The following DST variants were observed in gnomAD, a reference collection of about 807,000 sequenced individuals.
The protein encoded by DST is dystonin.
DST carries 253 observed loss-of-function variants against 875.2 expected under a neutral mutation model. The observed-to-expected ratio is 0.29, with a 90% CI of 0.26 to 0.32. DST has a LOEUF of 0.32. Among genes scored for constraint, DST ranks in the 10% least tolerant of loss-of-function variants. The pLI is 1.00. For synonymous variants in DST, 3,124 were observed against 3,197.1 expected, an observed-to-expected ratio of 0.98 and a Z score of 0.77; for missense variants, 8,287 against 9,111.6, an observed-to-expected ratio of 0.91 and a Z score of 3.68.
chr6:56,701,778 C>T (rs1588877032), intron 8 of DST, 110 bp downstream of exon 8: 1 of 645,030 alleles, frequency 1.6e-6, no homozygotes, highest in South Asian at 2.2e-5. Flanking sequence ...CACAAGCTTA[C>T]TGGTTACAAT....
chr6:56,684,108 T>C (rs746828462), intron 9 of DST, among the ~76,000 whole-genome samples: 1 of 152,230 alleles, frequency 6.6e-6, no homozygotes, highest in Non-Finnish European at 1.5e-5. Flanking sequence ...GAAAGTCCTA[T>C]GAGCAAAGTC....
chr6:56,745,328 A>G (rs2099569245), intron 4 of DST, among the ~76,000 whole-genome samples: 1 of 152,160 alleles, frequency 6.6e-6, no homozygotes, highest in Admixed American at 6.5e-5. Flanking sequence ...AAAGACTCTC[A>G]TGTTGCTGCA....
intron 3 of DST, among the ~76,000 whole-genome samples, chr6:56,869,096 G>A (rs1446799491): frequency 6.6e-6 from 1 of 152,102 alleles, no homozygotes; most frequent in Admixed American, 6.5e-5. Flanking sequence ...AAAAACTTTT[G>A]GTGGCTCTAG....
chr6:56,763,821 A>G (rs945416949), intron 4 of DST, among the ~76,000 whole-genome samples: 5 of 151,576 alleles, frequency 3.3e-5, no homozygotes, highest in African/African-American at 1.2e-4. Flanking sequence ...CCCACAAGGA[A>G]CTCTAGTCCT....
At chr6:56,539,780 T>G (rs1454025144) in intron 61 of DST, among the ~76,000 whole-genome samples, 3 of 152,138 alleles carry the variant, frequency 2.0e-5, no homozygotes, top group Admixed American at 6.5e-5. Flanking sequence ...ATAACTCTAC[T>G]CTCACATGCA....
chr6:56,856,522 A>G (rs2127585538), intron 3 of DST, among the ~76,000 whole-genome samples: 2 of 152,370 alleles, frequency 1.3e-5, no homozygotes, highest in Middle Eastern at 3.4e-3. Flanking sequence ...GAAACAGACA[A>G]ATCCTGATTG....
At chr6:56,584,532 C>T (rs1339809386) in intron 49 of DST, among the ~76,000 whole-genome samples, 2 of 149,650 alleles carry the variant, frequency 1.3e-5, no homozygotes, top group Middle Eastern at 3.4e-3. Flanking sequence ...AATCATGTTG[C>T]CTGCAAACAG....
chr6:56,706,854 A>T (rs1202856546), intron 5 of DST, among the ~76,000 whole-genome samples: 2 of 152,236 alleles, frequency 1.3e-5, no homozygotes, highest in East Asian at 3.9e-4. Flanking sequence ...AACAAAAAAA[A>T]ATTAGCCGGG....
chr6:56,845,427 C>T (rs568330226), intron 4 of DST, among the ~76,000 whole-genome samples: 3 of 152,308 alleles, frequency 2.0e-5, no homozygotes, highest in Admixed American at 2.0e-4. Context: ...CAGCAATTGG[C>T]CTACTTCTGT....
At chr6:56,610,621 T>C in intron 38 of DST, 59 bp from the exon 39 acceptor site, 6 of 1,414,370 alleles carry the variant, frequency 4.2e-6, no homozygotes, top group East Asian at 4.8e-5. Flanking sequence ...GATAAAGATG[T>C]ATTAGGTTCA....
intron 36 of DST, chr6:56,615,164 T>TTTAATAAATGATAATTTA: frequency 2.7e-6 from 3 of 1,091,204 alleles, no homozygotes; most frequent in Non-Finnish European, 3.4e-6. Context: ...CAATTTATCA[T>TTTAATAAATGATAATTTA]TTAATAAATG....
chr6:56,953,925 G>A (rs1196927610), intron 1 of DST, 106 bp from the exon 2 acceptor site: 2 of 707,634 alleles, frequency 2.8e-6, no homozygotes, highest in Non-Finnish European at 4.3e-6. Context: ...GCACATCGCA[G>A]ACTCCTGGAA....
chr6:56,742,211 G>C, intron 4 of DST: 1 of 1,091,790 alleles, frequency 9.2e-7, no homozygotes, highest in Non-Finnish European at 1.2e-6. Flanking sequence ...AGCAGGTAGT[G>C]CAACTTTCCC....
intron 68 of DST, among the ~76,000 whole-genome samples, chr6:56,526,789 A>G (rs936494981): frequency 6.6e-6 from 1 of 152,146 alleles, no homozygotes; most frequent in African/African-American, 2.4e-5. Context: ...TCATTTGTCG[A>G]CACGGCAAGA....
chr6:56,916,778 T>TCTCTCTCTCTCACACACACA (rs1470233953), intron 2 of DST, among the ~76,000 whole-genome samples: 1 of 91,354 alleles, frequency 1.1e-5, no homozygotes, highest in Non-Finnish European at 2.0e-5. Context: ...TCTCTCTCTC[T>TCTCTCTCTCTCACACACACA]CACACACACA....
chr6:56,573,169 G>T, intron 51 of DST, 105 bp from the exon 52 acceptor site: 1 of 1,017,704 alleles, frequency 9.8e-7, no homozygotes, highest in Non-Finnish European at 1.4e-6. Context: ...TGCACAACCT[G>T]TGCCTAGGAA....
intron 10 of DST, among the ~76,000 whole-genome samples, chr6:56,657,990 C>A (rs896610942): frequency 6.6e-6 from 1 of 151,850 alleles, no homozygotes; most frequent in Non-Finnish European, 1.5e-5. Context: ...GGTCTCGAAC[C>A]CCTGACCTCA....
At chr6:56,779,417 T>C (rs1032762270) in intron 4 of DST, among the ~76,000 whole-genome samples, 5 of 152,122 alleles carry the variant, frequency 3.3e-5, no homozygotes, top group African/African-American at 1.2e-4. Context: ...TTTTGGCTTT[T>C]GTTGCCATTG....
chr6:56,781,525 T>C (rs2099693914), intron 4 of DST, among the ~76,000 whole-genome samples: 1 of 152,182 alleles, frequency 6.6e-6, no homozygotes, highest in African/African-American at 2.4e-5. Flanking sequence ...TCTCTGTTTG[T>C]CTGTTATTGG....
Sources: gnomAD v4.1 joint callset for allele counts (sites outside exome capture counted in the v4.1 genomes callset) on GRCh38, gnomAD v4.1.1 for gene constraint, MANE v1.5 for transcripts, NCBI Gene and HGNC (gene_info 2026-07-23, HGNC 2026-07-21) for gene names.